Variants in ATRN observed in about 807,000 individuals in gnomAD.
ATRN encodes the protein attractin.
ATRN carries 54 observed loss-of-function variants against 178.7 expected under a neutral mutation model. The observed-to-expected ratio is 0.30, with a 90% CI of 0.24 to 0.38. The LOEUF (loss-of-function observed/expected upper bound fraction) is 0.38, where lower values mean the gene tolerates loss of function less well. Among genes scored for constraint, ATRN ranks in the 10% least tolerant of loss-of-function variants. The pLI, the probability that ATRN is intolerant of heterozygous loss-of-function variation, is 1.00. For missense variants in ATRN, 1,443 were observed against 1,815.1 expected (o/e 0.79, Z 3.73); for synonymous variants, 636 against 663.0 (o/e 0.96, Z 0.63).
At position 3,565,434 on chromosome 20, in the gene ATRN, T is replaced by TA; in HGVS notation, c.1871+4dup. ...CCATTCAGCAGTCTTACACAACAGG[T>TA]AATTGGAGAAGTGATTGCTCCTTTT... On this transcript the variant is annotated splice_region_variant and intron_variant, in intron 11 of 28. Coordinates refer to ENST00000262919, the MANE Select transcript of ATRN (RefSeq NM_139321.3). 1 of 1,610,070 alleles carries TA rather than the reference T, an allele frequency of 6.2e-7. No individual in the cohort carries two copies. The highest frequency in any genetic ancestry group is 8.5e-7 in the Non-Finnish European group (1 of 1,176,428).
intron 6 of ATRN, among the ~76,000 whole-genome samples, chr20:3,555,273 G>T (rs2085860126): frequency 6.6e-6 from 1 of 152,000 alleles, no homozygotes; most frequent in Non-Finnish European, 1.5e-5. Flanking sequence ...AAAGTGCTGG[G>T]ATTACAGGCG....
At chr20:3,511,713 T>C (rs1466857510) in intron 1 of ATRN, among the ~76,000 whole-genome samples, 1 of 152,150 alleles carries the variant, frequency 6.6e-6, no homozygotes. Flanking sequence ...GGCGTAGTTA[T>C]CACACAGATC....
chr20:3,534,691 T>C (rs958943284), intron 1 of ATRN, among the ~76,000 whole-genome samples: 12 of 152,238 alleles, frequency 7.9e-5, no homozygotes, highest in Non-Finnish European at 1.3e-4. Context: ...AGATACTTGC[T>C]GGTGGCAGTG....
At chr20:3,504,688 GA>G (rs2085013752) in intron 1 of ATRN, among the ~76,000 whole-genome samples, 1 of 135,936 alleles carries the variant, frequency 7.4e-6, no homozygotes, top group African/African-American at 2.7e-5. Context: ...TCTGTCTTAA[GA>G]TAATAATAAT....
At chr20:3,560,325 C>T (rs1729916327) in intron 7 of ATRN, among the ~76,000 whole-genome samples, 2 of 152,154 alleles carry the variant, frequency 1.3e-5, no homozygotes, top group Admixed American at 6.5e-5. Flanking sequence ...GACTGGATGT[C>T]ATTCTTTTTA....
chr20:3,494,644 A>G (rs972642448), intron 1 of ATRN, among the ~76,000 whole-genome samples: 3 of 152,226 alleles, frequency 2.0e-5, no homozygotes, highest in African/African-American at 7.2e-5. Flanking sequence ...AGGGTAGATG[A>G]CAAAGTTGTT....
intron 24 of ATRN, among the ~76,000 whole-genome samples, chr20:3,619,191 C>T (rs1337396657): frequency 6.6e-6 from 1 of 152,234 alleles, no homozygotes; most frequent in Non-Finnish European, 1.5e-5. Flanking sequence ...TGTCCTTTCT[C>T]TTCCTCTCCC....
chr20:3,599,697 A>G (rs541023753), intron 22 of ATRN, among the ~76,000 whole-genome samples: 1 of 152,192 alleles, frequency 6.6e-6, no homozygotes. Flanking sequence ...CAGACTGCGG[A>G]CTGGAGTATG....
At chr20:3,507,048 G>GT (rs915331882) in intron 1 of ATRN, among the ~76,000 whole-genome samples, 2 of 150,880 alleles carry the variant, frequency 1.3e-5, no homozygotes, top group African/African-American at 4.9e-5. Context: ...TTGCCGGGAG[G>GT]TTTTGTTTTT....
chr20:3,505,251 T>C (rs545315568), intron 1 of ATRN, among the ~76,000 whole-genome samples: 1 of 152,328 alleles, frequency 6.6e-6, no homozygotes, highest in Admixed American at 6.5e-5. Context: ...ACACCTGTCT[T>C]CTCCTCTCCT....
At chr20:3,630,156 C>A (rs975911899) in intron 25 of ATRN, among the ~76,000 whole-genome samples, 1 of 152,178 alleles carries the variant, frequency 6.6e-6, no homozygotes, top group Admixed American at 6.5e-5. Context: ...CATTAGCACA[C>A]AAAAGACACT....
rs945482234 is a variant in ATRN, at chr20:3,632,991, G to A, written c.3864-1320G>A. On this transcript the variant is annotated intron_variant, in intron 25 of 28. Coordinates refer to ENST00000262919, the MANE Select transcript of ATRN (RefSeq NM_139321.3). This position sits in a 1 kb window ranked among gnomAD's most constrained non-coding sequence, Gnocchi z 4.2. ...CTAAAAATACAAAAATTAGCTGGGT[G>A]TGATGGCGCACACCTGTAGTCCAAG... is the stretch of plus-strand genomic sequence containing the variant. Among the ~76,000 whole-genome samples the A allele has an allele frequency of 2.0e-5, 3 of 152,204 alleles. No homozygotes were observed. Among genetic ancestry groups the A allele is most frequent in the African/African-American group, 7.2e-5 (3 of 41,452 alleles).
chr20:3,537,119 T>C (rs1865937967), intron 2 of ATRN, among the ~76,000 whole-genome samples: 2 of 152,208 alleles, frequency 1.3e-5, no homozygotes, highest in South Asian at 4.1e-4. Context: ...TACATAATAT[T>C]TTAAAAATCA....
At chr20:3,489,438 G>T in intron 1 of ATRN, 1 of 768,924 alleles carries the variant, frequency 1.3e-6, no homozygotes. Flanking sequence ...CGTAGCAAAG[G>T]GTCTTTAAGA....
At chr20:3,611,930 C>G (rs1447066086) in intron 24 of ATRN, among the ~76,000 whole-genome samples, 1 of 152,184 alleles carries the variant, frequency 6.6e-6, no homozygotes, top group East Asian at 1.9e-4. Flanking sequence ...CTGGAAAATA[C>G]TTTGTTTCTT....
chr20:3,511,405 CACTG>C (rs1006257123), intron 1 of ATRN, among the ~76,000 whole-genome samples: 78 of 151,210 alleles, frequency 5.2e-4, no homozygotes, highest in Middle Eastern at 3.4e-3. Context: ...TCTTAACAGA[CACTG>C]ACAAAATCAG....
At chr20:3,549,129 A>C in intron 5 of ATRN, 41 bp from the exon 6 acceptor site, 1 of 1,514,078 alleles carries the variant, frequency 6.6e-7, no homozygotes, top group Non-Finnish European at 8.9e-7. Flanking sequence ...GTAAGCTTTA[A>C]AGCTGTCTTT....
At chr20:3,502,215 T>C (rs944913173) in intron 1 of ATRN, among the ~76,000 whole-genome samples, 8 of 152,058 alleles carry the variant, frequency 5.3e-5, no homozygotes, top group African/African-American at 2.4e-5. Flanking sequence ...AAAAATTGGC[T>C]GAAAATGAAG....
chr20:3,569,627 GATT>G (rs1341395136), intron 11 of ATRN, among the ~76,000 whole-genome samples: 6 of 152,176 alleles, frequency 3.9e-5, no homozygotes, highest in African/African-American at 1.4e-4. Context: ...ATTAACCTTA[GATT>G]ACTAGATGAC....
Sources: allele counts gnomAD v4.1 joint callset (sites outside exome capture counted in the v4.1 genomes callset), GRCh38; gene constraint gnomAD v4.1.1; non-coding constraint Gnocchi (gnomAD v3.1); transcripts MANE v1.5; gene names NCBI Gene and HGNC (gene_info 2026-07-23, HGNC 2026-07-21).